Variants in BBS9 observed in about 807,000 individuals in gnomAD.
BBS9 encodes Bardet-Biedl syndrome 9.
A neutral mutation model predicts 117.7 loss-of-function variants in BBS9; 89 were observed. The observed-to-expected ratio is 0.76, with a 90% CI of 0.64 to 0.90. The LOEUF is 0.90. Among genes scored for constraint, BBS9 ranks in the 40% least tolerant of loss-of-function variants. The pLI, the probability that BBS9 is intolerant of heterozygous loss-of-function variation, is 0.00. For synonymous variants in BBS9, 379 were observed against 370.9 expected (o/e 1.02, Z -0.25); for missense variants, 982 against 1,042.2 (o/e 0.94, Z 0.80).
intron 19 of BBS9, among the ~76,000 whole-genome samples, chr7:33,398,677 TAGA>T (rs1314583732): frequency 2.0e-5 from 3 of 152,234 alleles, no homozygotes. Context: ...TTTAATTTCC[TAGA>T]AGATTAAAAG....
At chr7:33,159,520 G>A (rs1267242517) in intron 4 of BBS9, among the ~76,000 whole-genome samples, 1 of 152,110 alleles carries the variant, frequency 6.6e-6, no homozygotes, top group African/African-American at 2.4e-5. Context: ...TTGTCTGTTG[G>A]GACCTAGTGC....
At chr7:33,230,040 G>A (rs1792042056) in intron 5 of BBS9, among the ~76,000 whole-genome samples, 2 of 151,962 alleles carry the variant, frequency 1.3e-5, no homozygotes, top group South Asian at 4.1e-4. Context: ...TATACGTCTT[G>A]GCCATTTGTA....
intron 19 of BBS9, among the ~76,000 whole-genome samples, chr7:33,487,127 C>T (rs1422141822): frequency 6.6e-6 from 1 of 152,142 alleles, no homozygotes; most frequent in Non-Finnish European, 1.5e-5. Context: ...ACTAAATGTC[C>T]CCTCTACCCT....
intron 5 of BBS9, among the ~76,000 whole-genome samples, chr7:33,195,772 C>A (rs1186412782): frequency 1.3e-5 from 2 of 151,930 alleles, no homozygotes; most frequent in Non-Finnish European, 2.9e-5. Context: ...TCCTTTAATT[C>A]TTCCAATTTT....
chr7:33,232,675 TACTA>T (rs943805547), intron 5 of BBS9, among the ~76,000 whole-genome samples: 1 of 152,174 alleles, frequency 6.6e-6, no homozygotes, highest in African/African-American at 2.4e-5. Context: ...GTGAGATTAA[TACTA>T]ACTTCCTCAT....
intron 19 of BBS9, among the ~76,000 whole-genome samples, chr7:33,414,276 A>G (rs1831619077): frequency 6.6e-6 from 1 of 152,204 alleles, no homozygotes. Context: ...ACAATGATTG[A>G]CTTTTGATTA....
At chr7:33,239,892 T>C (rs570095382) in intron 5 of BBS9, among the ~76,000 whole-genome samples, 1 of 152,154 alleles carries the variant, frequency 6.6e-6, no homozygotes, top group South Asian at 2.1e-4. Context: ...ACCTGTAGTC[T>C]CAGCTGCTTC....
chr7:33,456,713 G>A (rs1838707533), intron 19 of BBS9, among the ~76,000 whole-genome samples: 1 of 151,916 alleles, frequency 6.6e-6, no homozygotes, highest in South Asian at 2.1e-4. Context: ...GGATAACAAA[G>A]CCATGAATGT....
intron 19 of BBS9, among the ~76,000 whole-genome samples, chr7:33,411,657 A>T (rs1400059249): frequency 6.6e-6 from 1 of 152,142 alleles, no homozygotes. Context: ...TTGAGTCTTA[A>T]AAGTGTTATT....
chr7:33,247,319 T>C (rs1795494808), intron 5 of BBS9, among the ~76,000 whole-genome samples: 1 of 152,150 alleles, frequency 6.6e-6, no homozygotes, highest in Non-Finnish European at 1.5e-5. Context: ...TTACCATTAC[T>C]TTACAGTTGA....
At chr7:33,615,290 T>C (rs981487808) in intron 21 of BBS9, among the ~76,000 whole-genome samples, 1 of 152,092 alleles carries the variant, frequency 6.6e-6, no homozygotes, top group Non-Finnish European at 1.5e-5. Context: ...GCATGATTGT[T>C]AGAATTGTCA....
intron 19 of BBS9, among the ~76,000 whole-genome samples, chr7:33,503,984 CACTT>C (rs1380137777): frequency 3.9e-5 from 6 of 152,204 alleles, no homozygotes; most frequent in African/African-American, 1.4e-4. Flanking sequence ...ACTTCTTTCA[CACTT>C]ACTTTCTGTT....
chr7:33,173,195 A>G lies in BBS9; in HGVS notation c.329-4283A>G, dbSNP rs556705028. On this transcript the variant is annotated intron_variant, in intron 4 of 22. Coordinates refer to ENST00000242067, the MANE Select transcript of BBS9 (RefSeq NM_198428.3). ...TTGCATCTGAAAAAGAAGCAAGCCT[A>G]TTTTGCCTGAGGGCCTGCCTTTTAT... 3.9e-5 allele frequency among the ~76,000 whole-genome samples: 6 copies of G among 152,300 alleles called. No homozygotes were observed. The South Asian group carries it at 8.3e-4, about 21-fold the overall frequency.
At chr7:33,331,131 A>T (rs2128610717) in intron 9 of BBS9, among the ~76,000 whole-genome samples, 1 of 152,356 alleles carries the variant, frequency 6.6e-6, no homozygotes, top group Admixed American at 6.5e-5. Flanking sequence ...AAGTCAACAA[A>T]TGTGATATAT....
At chr7:33,352,831 C>G (rs538633351) in intron 14 of BBS9, 28 bp from the exon 15 acceptor site, 2 of 1,610,556 alleles carry the variant, frequency 1.2e-6, no homozygotes, top group African/African-American at 1.3e-5. Flanking sequence ...TTCCCCCTAC[C>G]CATTTTTGCA....
intron 4 of BBS9, among the ~76,000 whole-genome samples, chr7:33,172,695 T>C (rs1398555945): frequency 2.0e-5 from 3 of 152,244 alleles, no homozygotes; most frequent in African/African-American, 7.2e-5. Context: ...ACTTGTTTCA[T>C]TGCCCTAAGC....
intron 19 of BBS9, among the ~76,000 whole-genome samples, chr7:33,460,320 T>G (rs1839277751): frequency 6.6e-6 from 1 of 152,156 alleles, no homozygotes; most frequent in South Asian, 2.1e-4. Context: ...TGGCTTTATC[T>G]TTAACTGCTT....
In BBS9 at chr7:33,351,252, T is replaced by C. The variant is rs375968976; in HGVS notation, c.1466T>C (p.Val489Ala). 6 of 1,612,686 alleles carry C rather than the reference T, an allele frequency of 3.7e-6. No homozygotes were observed. Among genetic ancestry groups the C allele is most frequent in the South Asian group, 1.1e-5 (1 of 91,036 alleles). Residue 489 changes from valine to alanine, a missense_variant, in exon 14 of 23, where the codon GTT becomes GCT. By Grantham distance (64) the Val-to-Ala change is moderately conservative (BLOSUM62 0). Coordinates refer to ENST00000242067, the MANE Select transcript of BBS9 (RefSeq NM_198428.3). Reference sequence around the variant, plus strand: ...TTGACTAGAACAGTAAGCTTTTCTGTTTATCTGAAAAGAAGTTATACACCA... The same window carrying C: ...TTGACTAGAACAGTAAGCTTTTCTGCTTATCTGAAAAGAAGTTATACACCA... The part of the protein sequence containing the change: ...PDLTRTVSFS[V>A]YLKRSYTPSE...
chr7:33,458,648 A>G (rs1838999115), intron 19 of BBS9, among the ~76,000 whole-genome samples: 1 of 152,158 alleles, frequency 6.6e-6, no homozygotes, highest in African/African-American at 2.4e-5. Context: ...CACAGGGTGT[A>G]AAAGGAACTA....
Sources: allele counts gnomAD v4.1 joint callset (sites outside exome capture counted in the v4.1 genomes callset), GRCh38; gene constraint gnomAD v4.1.1; transcripts MANE v1.5; gene names NCBI Gene and HGNC (gene_info 2026-07-23, HGNC 2026-07-21).